The following STAU1 variants were observed in gnomAD, a reference collection of about 807,000 sequenced individuals.
STAU1 encodes double-stranded RNA-binding protein Staufen homolog 1.
STAU1 carries 13 observed loss-of-function variants against 62.9 expected under a neutral mutation model. That is an observed-to-expected ratio of 0.21 (90% CI 0.13 to 0.33). The LOEUF (loss-of-function observed/expected upper bound fraction) is 0.33, where lower values mean the gene tolerates loss of function less well. Among genes scored for constraint, STAU1 ranks in the 10% least tolerant of loss-of-function variants. The pLI, the probability that STAU1 is intolerant of heterozygous loss-of-function variation, is 1.00. For missense variants in STAU1, 571 were observed against 712.1 expected, an observed-to-expected ratio of 0.80 and a Z score of 2.25; for synonymous variants, 269 against 265.1, an observed-to-expected ratio of 1.01 and a Z score of -0.14.
At chr20:49,158,003 C>G (rs1485570974) in intron 3 of STAU1, among the ~76,000 whole-genome samples, 1 of 151,310 alleles carries the variant, frequency 6.6e-6, no homozygotes, top group Non-Finnish European at 1.5e-5. Context: ...TTGAAGCGGC[C>G]GGGTGTGGTG....
intron 1 of STAU1, among the ~76,000 whole-genome samples, chr20:49,181,601 C>T (rs1032364737): frequency 4.6e-5 from 7 of 151,740 alleles, no homozygotes; most frequent in African/African-American, 1.7e-4. Flanking sequence ...CCCATCTCTG[C>T]TAAAAATACA....
At chr20:49,136,769 C>G (rs376535125) in intron 5 of STAU1, among the ~76,000 whole-genome samples, 1 of 152,002 alleles carries the variant, frequency 6.6e-6, no homozygotes, top group African/African-American at 2.4e-5. Flanking sequence ...GCGATTTTGG[C>G]TCACTGCTAC....
At chr20:49,196,972 CA>C in the STAU1 span, among the ~76,000 whole-genome samples, 2 of 151,952 alleles carry the variant, frequency 1.3e-5, no homozygotes, top group Non-Finnish European at 2.9e-5. Flanking sequence ...GCCTGGGCAA[CA>C]TGGTGAAACG....
At chr20:49,115,409 C>T (rs988057949) in intron 13 of STAU1, among the ~76,000 whole-genome samples, 1 of 152,024 alleles carries the variant, frequency 6.6e-6, no homozygotes, top group Non-Finnish European at 1.5e-5. Context: ...TTAAGCAGTT[C>T]TCTGCCTCGG....
chr20:49,185,627 C>A (rs921295467), intron 1 of STAU1, among the ~76,000 whole-genome samples: 4 of 152,090 alleles, frequency 2.6e-5, no homozygotes, highest in Admixed American at 6.6e-5. Context: ...TCAAAATAAT[C>A]TAGTTTGTGT....
intron 5 of STAU1, among the ~76,000 whole-genome samples, chr20:49,145,168 G>A (rs1286232164): frequency 6.6e-6 from 1 of 152,208 alleles, no homozygotes; most frequent in Non-Finnish European, 1.5e-5. Flanking sequence ...GCTCACGCCT[G>A]TAATCCCAGC....
At chr20:49,206,765 T>TA in the STAU1 span, among the ~76,000 whole-genome samples, 311 of 130,736 alleles carry the variant, frequency 2.4e-3, 7 homozygotes, top group African/African-American at 8.7e-3. Flanking sequence ...TATTTTATTT[T>TA]TTTTTTTTTG....
chr20:49,162,231 C>T (rs73268160), intron 3 of STAU1, among the ~76,000 whole-genome samples: 6,548 of 152,178 alleles, frequency 0.043, 463 homozygotes, highest in African/African-American at 0.15. Context: ...TGTTGGTGGG[C>T]AGGAGTTTTA....
intron 1 of STAU1, among the ~76,000 whole-genome samples, chr20:49,187,826 C>A (rs1057414838): frequency 6.6e-6 from 1 of 151,548 alleles, no homozygotes; most frequent in African/African-American, 2.4e-5. Context: ...TCGGCATCCC[C>A]GCGCGCGCCA....
intron 2 of STAU1, among the ~76,000 whole-genome samples, chr20:49,171,577 G>A (rs1036141248): frequency 8.5e-5 from 13 of 152,214 alleles, no homozygotes; most frequent in Admixed American, 2.0e-4. Flanking sequence ...GTGAGCCACC[G>A]CACCCAGCCT....
rs1344857390 is a variant in STAU1 at position 49,114,864 on chromosome 20, T to C, written c.*14A>G. The C allele has an allele frequency of 1.6e-5, 26 of 1,613,182 alleles. No individual in the cohort carries two copies. The highest frequency in any genetic ancestry group is 1.9e-5 in the Non-Finnish European group (23 of 1,179,512). On this transcript the variant is annotated 3_prime_UTR_variant, in exon 14 of 14. Coordinates refer to ENST00000371856, the MANE Select transcript of STAU1 (RefSeq NM_017453.4). ...TATGTTGGGATTTTATAATGGTTCATGGCCAGAAAAGGTTCAGCACCTCCC... is the reference window on the plus strand; with the variant it reads ...TATGTTGGGATTTTATAATGGTTCACGGCCAGAAAAGGTTCAGCACCTCCC...
At chr20:49,176,359 T>C (rs185117758) in intron 1 of STAU1, among the ~76,000 whole-genome samples, 2 of 152,328 alleles carry the variant, frequency 1.3e-5, no homozygotes, top group East Asian at 1.9e-4. Flanking sequence ...AAGTGAACTT[T>C]ACATTACAGA....
At chr20:49,219,111 CT>C in the STAU1 span, among the ~76,000 whole-genome samples, 1 of 150,984 alleles carries the variant, frequency 6.6e-6, no homozygotes, top group Non-Finnish European at 1.5e-5. Flanking sequence ...TCTTCCACAG[CT>C]TTTTTTTGTA....
chr20:49,123,353 T>C (rs2092513234), intron 7 of STAU1, 118 bp from the exon 8 acceptor site: 2 of 1,201,258 alleles, frequency 1.7e-6, no homozygotes, highest in Non-Finnish European at 1.2e-6. Flanking sequence ...TGGCTCAGAA[T>C]TCGATTTTTT....
chr20:49,187,817 C>T (rs2093809390), intron 1 of STAU1, among the ~76,000 whole-genome samples: 1 of 138,750 alleles, frequency 7.2e-6, no homozygotes, highest in Non-Finnish European at 1.6e-5. Flanking sequence ...GGAATAACTT[C>T]GGCATCCCCG....
At chr20:49,157,259 A>C (rs2093374559) in intron 3 of STAU1, among the ~76,000 whole-genome samples, 2 of 152,166 alleles carry the variant, frequency 1.3e-5, no homozygotes, top group African/African-American at 2.4e-5. Context: ...ACACAAATTA[A>C]GACAATGTTT....
chr20:49,120,421 G>A (rs2092439750), intron 8 of STAU1, among the ~76,000 whole-genome samples: 1 of 152,176 alleles, frequency 6.6e-6, no homozygotes, highest in Non-Finnish European at 1.5e-5. Context: ...GGTCTGCCCA[G>A]CTATTGCATT....
intron 1 of STAU1, among the ~76,000 whole-genome samples, chr20:49,187,445 T>A (rs1457266842): frequency 6.6e-6 from 1 of 152,000 alleles, no homozygotes; most frequent in African/African-American, 2.4e-5. Flanking sequence ...AACGGATAGG[T>A]AGGTCAACTT....
At chr20:49,160,129 T>C (rs1377135542) in intron 3 of STAU1, among the ~76,000 whole-genome samples, 1 of 152,156 alleles carries the variant, frequency 6.6e-6, no homozygotes, top group Non-Finnish European at 1.5e-5. Flanking sequence ...ATCCCTGTTT[T>C]ACACATGAGG....
Sources: gnomAD v4.1 joint callset for allele counts (sites outside exome capture counted in the v4.1 genomes callset) on GRCh38, gnomAD v4.1.1 for gene constraint, MANE v1.5 for transcripts, NCBI Gene and HGNC (gene_info 2026-07-23, HGNC 2026-07-21) for gene names.